NDUFA8: variants seen among roughly 807,000 people sequenced by gnomAD.
NDUFA8 encodes NADH:ubiquinone oxidoreductase subunit A8, also known as NADH dehydrogenase [ubiquinone] 1 alpha subcomplex subunit 8.
NDUFA8 carries 16 observed loss-of-function variants against 20.9 expected under a neutral mutation model. The ratio of observed to expected loss-of-function variants is 0.77; its 90% CI spans 0.52 to 1.16. The LOEUF is 1.16. Among genes scored for constraint, NDUFA8 ranks in the 50% most tolerant of loss-of-function variants. The pLI is 0.00. For synonymous variants in NDUFA8, 70 were observed against 76.1 expected (o/e 0.92, Z 0.41); for missense variants, 202 against 216.4 (o/e 0.93, Z 0.42).
At chr9:122,136,580 G>A in the NDUFA8 span, among the ~76,000 whole-genome samples, 51 of 150,900 alleles carry the variant, frequency 3.4e-4, 1 homozygote, top group South Asian at 7.8e-3. Flanking sequence ...TTTCTGAGAC[G>A]GAGTCTCGCT....
intron 3 of NDUFA8, among the ~76,000 whole-genome samples, chr9:122,144,808 C>G (rs1252043560): frequency 6.6e-6 from 1 of 152,120 alleles, no homozygotes; most frequent in African/African-American, 2.4e-5. Flanking sequence ...AGCTTAAAGT[C>G]TGAGCAGGAG....
intron 1 of NDUFA8, among the ~76,000 whole-genome samples, chr9:122,155,961 TAATG>T (rs1829070689): frequency 6.6e-6 from 1 of 152,208 alleles, no homozygotes; most frequent in African/African-American, 2.4e-5. Flanking sequence ...GTTTCGTAAT[TAATG>T]AAAAAGAGGG....
At chr9:122,135,703 C>T in the NDUFA8 span, among the ~76,000 whole-genome samples, 3 of 152,196 alleles carry the variant, frequency 2.0e-5, no homozygotes, top group African/African-American at 7.2e-5. Flanking sequence ...GATCCTCTCA[C>T]CTCAGCCTCC....
intron 2 of NDUFA8, 122 bp from the exon 3 acceptor site, chr9:122,148,399 A>G: frequency 1.8e-6 from 2 of 1,106,228 alleles, no homozygotes; most frequent in Non-Finnish European, 1.4e-6. Context: ...ATGTGAGTAC[A>G]TATTCTTATC....
At chr9:122,135,743 C>T in the NDUFA8 span, among the ~76,000 whole-genome samples, 3 of 152,168 alleles carry the variant, frequency 2.0e-5, no homozygotes, top group African/African-American at 7.2e-5. Context: ...GCACGTGCTA[C>T]CATGCCCAGC....
chr9:122,133,322 C>A, the NDUFA8 span, among the ~76,000 whole-genome samples: 1 of 152,204 alleles, frequency 6.6e-6, no homozygotes, highest in African/African-American at 2.4e-5. Context: ...CTGTCCATGG[C>A]ACTGCTTCCT....
intron 3 of NDUFA8, among the ~76,000 whole-genome samples, chr9:122,147,214 G>C (rs962843514): frequency 1.3e-5 from 2 of 151,780 alleles, no homozygotes; most frequent in African/African-American, 2.4e-5. Flanking sequence ...CCAAGAATAA[G>C]ATAACAGCAG....
At chr9:122,146,602 C>T (rs1047259817) in intron 3 of NDUFA8, among the ~76,000 whole-genome samples, 1 of 152,182 alleles carries the variant, frequency 6.6e-6, no homozygotes, top group Non-Finnish European at 1.5e-5. Context: ...AGATGCTATA[C>T]ACAAAGAGAA....
chr9:122,145,746 G>A (rs1228228359), intron 3 of NDUFA8, among the ~76,000 whole-genome samples: 1 of 152,278 alleles, frequency 6.6e-6, no homozygotes, highest in East Asian at 1.9e-4. Context: ...TACTAGTTTC[G>A]TTTGTTTGCT....
Position 122,146,413 on chromosome 9 carries a change from G to T in NDUFA8, c.381+1699C>A, listed in dbSNP as rs1020762783. Among the ~76,000 whole-genome samples the T allele has an allele frequency of 2.6e-5, 4 of 152,082 alleles. No homozygotes were observed. In the East Asian group the frequency reaches 7.7e-4, roughly 29 times the overall value. ...CTTTCATAAGTCAGAAATGAGAAAAGGTAGTTTTATTTGTTACATGTATAA... is the reference window on the plus strand; with the variant it reads ...CTTTCATAAGTCAGAAATGAGAAAATGTAGTTTTATTTGTTACATGTATAA... On this transcript the variant is annotated intron_variant, in intron 3 of 3. Transcript: ENST00000373768.
the NDUFA8 span, among the ~76,000 whole-genome samples, chr9:122,132,504 T>A: frequency 6.6e-6 from 1 of 152,102 alleles, no homozygotes; most frequent in Non-Finnish European, 1.5e-5. Flanking sequence ...CATCTCAGGC[T>A]GGAGCTGGGG....
chr9:122,132,833 G>T, the NDUFA8 span: 1 of 433,894 alleles, frequency 2.3e-6, no homozygotes, highest in Non-Finnish European at 4.7e-6. Flanking sequence ...CAGACAGATG[G>T]GCCTGGCTTC....
At chr9:122,145,049 T>C (rs1000887852) in intron 3 of NDUFA8, among the ~76,000 whole-genome samples, 1 of 152,114 alleles carries the variant, frequency 6.6e-6, no homozygotes, top group African/African-American at 2.4e-5. Context: ...TAGCTAATAG[T>C]GGAAGAAATT....
intron 1 of NDUFA8, among the ~76,000 whole-genome samples, chr9:122,156,018 C>T (rs1382834242): frequency 6.6e-6 from 1 of 152,212 alleles, no homozygotes; most frequent in Non-Finnish European, 1.5e-5. Context: ...AACCCCAGAA[C>T]TAGAACACAG....
intron 1 of NDUFA8, among the ~76,000 whole-genome samples, chr9:122,155,066 AATTTT>A (rs908586242): frequency 3.9e-5 from 6 of 152,110 alleles, no homozygotes; most frequent in Admixed American, 1.3e-4. Flanking sequence ...AACAGTCTGT[AATTTT>A]ATTTTATTTT....
chr9:122,156,914 T>C (rs918377072), intron 1 of NDUFA8, among the ~76,000 whole-genome samples: 4 of 152,242 alleles, frequency 2.6e-5, no homozygotes, highest in Non-Finnish European at 5.9e-5. Flanking sequence ...CTTTTCTTTT[T>C]CTTTCTTCAA....
intron 3 of NDUFA8, 117 bp from the exon 4 acceptor site, chr9:122,144,495 C>A (rs1259425097): frequency 1.0e-6 from 1 of 961,260 alleles, no homozygotes; most frequent in African/African-American, 1.6e-5. Context: ...TGCTCCCCGA[C>A]TTAAATTCCC....
intron 3 of NDUFA8, 109 bp downstream of exon 3, chr9:122,148,003 G>T (rs1045689358): frequency 2.3e-6 from 3 of 1,291,356 alleles, no homozygotes; most frequent in South Asian, 2.4e-5. Flanking sequence ...GGTAAATCTG[G>T]TAAGTTCTTA....
At chr9:122,150,495 G>T (rs962180088) in intron 2 of NDUFA8, among the ~76,000 whole-genome samples, 2 of 148,190 alleles carry the variant, frequency 1.3e-5, no homozygotes, top group Non-Finnish European at 3.0e-5. Context: ...TAAACTCACT[G>T]TTAGGAAATT....
Sources: allele counts gnomAD v4.1 joint callset (sites outside exome capture counted in the v4.1 genomes callset), GRCh38; gene constraint gnomAD v4.1.1; transcripts MANE v1.5; gene names NCBI Gene and HGNC (gene_info 2026-07-23, HGNC 2026-07-21).